MAP4: variants seen among roughly 807,000 people sequenced by gnomAD.
MAP4 encodes the protein microtubule-associated protein 4.
MAP4 carries 76 observed loss-of-function variants against 170.2 expected under a neutral mutation model. The observed-to-expected ratio is 0.45, with a 90% CI of 0.37 to 0.54. The LOEUF is 0.54. Ranked by LOEUF, MAP4 falls within the 20% of genes least tolerant of loss-of-function variation. MAP4 has a pLI of 0.00. For synonymous variants in MAP4, 909 were observed against 994.5 expected (o/e 0.91, Z 1.62); for missense variants, 2,506 against 2,748.0 (o/e 0.91, Z 1.97).
chr3:47,935,085 G>A (rs188910288), intron 3 of MAP4, among the ~76,000 whole-genome samples: 75 of 152,336 alleles, frequency 4.9e-4, no homozygotes, highest in African/African-American at 1.8e-3. Flanking sequence ...AGAAAATTAT[G>A]AGAAACATGC....
chr3:47,976,436 C>T (rs1265000756), intron 3 of MAP4, among the ~76,000 whole-genome samples: 1 of 152,180 alleles, frequency 6.6e-6, no homozygotes, highest in Admixed American at 6.5e-5. Context: ...AAATGGCATC[C>T]ACTCTTTCAA....
At chr3:48,041,466 T>G (rs377112523) in intron 1 of MAP4, among the ~76,000 whole-genome samples, 46 of 152,022 alleles carry the variant, frequency 3.0e-4, no homozygotes, top group African/African-American at 1.1e-3. Context: ...CTGAAAGAAA[T>G]TAAGGAAGAT....
chr3:48,059,832 T>C (rs2100134275), intron 1 of MAP4, among the ~76,000 whole-genome samples: 1 of 152,034 alleles, frequency 6.6e-6, no homozygotes, highest in Non-Finnish European at 1.5e-5. Context: ...ATACAAAAAA[T>C]TAGCCGGCTT....
intron 1 of MAP4, among the ~76,000 whole-genome samples, chr3:48,001,627 G>A (rs749624136): frequency 6.0e-5 from 9 of 151,102 alleles, no homozygotes; most frequent in Non-Finnish European, 1.2e-4. Flanking sequence ...AGCCTCTCTA[G>A]TAGCTGGGAT....
chr3:47,892,627 T>C (rs889700183), intron 10 of MAP4: 1 of 1,414,950 alleles, frequency 7.1e-7, no homozygotes, highest in Admixed American at 3.1e-5. Context: ...AATGCCCCTC[T>C]CTCCTCAAGC....
chr3:47,918,969 C>A, intron 5 of MAP4, 128 bp from the exon 6 acceptor site: 1 of 661,166 alleles, frequency 1.5e-6, no homozygotes, highest in Non-Finnish European at 2.4e-6. Context: ...CGCTCTGTTG[C>A]CCACGCAGAC....
At chr3:47,989,599 A>G (rs774784522) in intron 2 of MAP4, among the ~76,000 whole-genome samples, 3 of 152,232 alleles carry the variant, frequency 2.0e-5, no homozygotes, top group Non-Finnish European at 2.9e-5. Flanking sequence ...TTAGAAAGGA[A>G]GAAGAGAAGC....
At chr3:48,009,092 T>G (rs1275560733) in intron 1 of MAP4, among the ~76,000 whole-genome samples, 1 of 151,726 alleles carries the variant, frequency 6.6e-6, no homozygotes, top group Non-Finnish European at 1.5e-5. Flanking sequence ...TTTTTTGGTT[T>G]GTTGTTGTTG....
upstream of MAP4, among the ~76,000 whole-genome samples, chr3:48,017,622 CTACCATCTTACATTAT>C (rs1453060996): frequency 6.6e-6 from 1 of 151,990 alleles, no homozygotes; most frequent in Non-Finnish European, 1.5e-5. Context: ...ATGGGACCAT[CTACCATCTTACATTAT>C]CACTGTACAC....
At position 47,930,338 on chromosome 3, in the gene MAP4, G is replaced by A. The variant is rs1309948405; in HGVS notation, c.293-1988C>T. On this transcript the variant is annotated intron_variant, in intron 3 of 20. Transcript: ENST00000683076. ...CGGGCGCCTGTAGTCCCAGCTACTCGGGAGGCTGAGGCAGGAGAATGGCGT... is the reference window on the plus strand; with the variant it reads ...CGGGCGCCTGTAGTCCCAGCTACTCAGGAGGCTGAGGCAGGAGAATGGCGT... Among the ~76,000 whole-genome samples the A allele has an allele frequency of 1.7e-4, 25 of 150,754 alleles. No individual in the cohort carries two copies. The South Asian group carries it at 4.4e-3, about 27-fold the overall frequency.
intron 18 of MAP4, among the ~76,000 whole-genome samples, chr3:47,856,243 G>A (rs1415299478): frequency 2.0e-5 from 3 of 152,168 alleles, no homozygotes; most frequent in Non-Finnish European, 2.9e-5. Flanking sequence ...GCTTCTGGCC[G>A]AGGTCTCCCG....
chr3:47,857,398 G>A (rs1318492674), intron 18 of MAP4, 33 bp downstream of exon 18: 3 of 1,586,546 alleles, frequency 1.9e-6, no homozygotes, highest in Non-Finnish European at 2.6e-6. Context: ...GACATACCCT[G>A]GAGACCCAGT....
In MAP4 at chr3:47,852,773, C is replaced by CG. The variant is rs763318682; in HGVS notation, c.*160dup. 8.3e-5 allele frequency: 128 copies of CG among 1,545,888 alleles called. No homozygotes were observed. The East Asian group carries it at 2.3e-3, about 28-fold the overall frequency. On this transcript the variant is annotated 3_prime_UTR_variant, in exon 21 of 21. Coordinates refer to ENST00000683076, the MANE Select transcript of MAP4 (RefSeq NM_001385682.1). ...GAGCCTAGCGGGCTGCCCAGCACGG[C>CG]GCCCAAGCGCTCACTGGTCTAGTGG...
rs199613899 is a variant in MAP4 at position 47,941,629 on chromosome 3, A to AAC, written c.293-13280_293-13279insGT. Among the ~76,000 whole-genome samples, 527 of 148,478 alleles carry AAC rather than the reference A, an allele frequency of 3.5e-3. 2 individuals are homozygous for AAC. The highest frequency in any genetic ancestry group is 0.012 in the African/African-American group (496 of 40,836). On this transcript the variant is annotated intron_variant, in intron 3 of 20. Coordinates refer to ENST00000683076, the MANE Select transcript of MAP4 (RefSeq NM_001385682.1). ...AGTCTCTACTAAAAAAACAAAAACA[A>AAC]AAAAAAAAAAAACTGGGCATGGTGG...
intron 2 of MAP4, among the ~76,000 whole-genome samples, chr3:47,984,827 G>C (rs926074034): frequency 6.6e-6 from 1 of 152,022 alleles, no homozygotes; most frequent in Non-Finnish European, 1.5e-5. Flanking sequence ...AAATTAGCCA[G>C]GTGTGGTGGC....
At chr3:48,045,774 C>T (rs1222600932) in intron 1 of MAP4, among the ~76,000 whole-genome samples, 1 of 152,190 alleles carries the variant, frequency 6.6e-6, no homozygotes, top group African/African-American at 2.4e-5. Context: ...ATCTCCTGAC[C>T]TTGTGATCCG....
chr3:47,856,162 G>A (rs1180962960), intron 18 of MAP4, among the ~76,000 whole-genome samples: 2 of 152,286 alleles, frequency 1.3e-5, no homozygotes, highest in East Asian at 1.9e-4. Flanking sequence ...GCCCAGCAGC[G>A]TGGTTTCCCT....
At chr3:47,899,163 C>A (rs2100028660) in intron 10 of MAP4, among the ~76,000 whole-genome samples, 1 of 152,118 alleles carries the variant, frequency 6.6e-6, no homozygotes, top group Non-Finnish European at 1.5e-5. Flanking sequence ...AAAGGGTGAG[C>A]CTGCCTAGGT....
chr3:47,909,329 G>T lies in MAP4; in HGVS notation c.5092C>A (p.His1698Asn). Residue 1698 changes from histidine (H) to asparagine (N), a missense_variant, in exon 9 of 21, where the codon CAT becomes AAT. His to Asn is a moderately conservative substitution (Grantham distance 68). Coordinates refer to ENST00000683076, the MANE Select transcript of MAP4 (RefSeq NM_001385682.1). ...PTPEIQSDFLHSKVEAPPSEV... is the reference protein window; with the variant it reads ...PTPEIQSDFLNSKVEAPPSEV... ...GAAGGAGGAGCTTCGACTTTGCTAT[G>T]TAAGAAATCTGACTGGATTTCTGGT... 5 of 1,613,952 alleles carry T rather than the reference G, an allele frequency of 3.1e-6. No individual in the cohort carries two copies. Among genetic ancestry groups the T allele is most frequent in the Non-Finnish European group, 4.2e-6 (5 of 1,179,868 alleles).
Sources: gnomAD v4.1 joint callset for allele counts (sites outside exome capture counted in the v4.1 genomes callset) on GRCh38, gnomAD v4.1.1 for gene constraint, MANE v1.5 for transcripts, NCBI Gene and HGNC (gene_info 2026-07-23, HGNC 2026-07-21) for gene names.